NXPE2: variants seen among roughly 807,000 people sequenced by gnomAD.
NXPE2 encodes neurexophilin and PC-esterase domain family member 2.
NXPE2 carries 34 observed loss-of-function variants against 34.4 expected under a neutral mutation model. The ratio of observed to expected loss-of-function variants is 0.99; its 90% confidence interval spans 0.75 to 1.31. The LOEUF (loss-of-function observed/expected upper bound fraction) is 1.31, where lower values mean the gene tolerates loss of function less well. Ranked by LOEUF, NXPE2 falls within the 40% of genes most tolerant of loss-of-function variation. The pLI, the probability that NXPE2 is intolerant of heterozygous loss-of-function variation, is 0.00. For synonymous variants in NXPE2, 235 were observed against 231.3 expected (o/e 1.02, Z -0.15); for missense variants, 649 against 672.5 (o/e 0.97, Z 0.39).
At chr11:114,624,494 C>T in the NXPE2 span, among the ~76,000 whole-genome samples, 1 of 152,108 alleles carries the variant, frequency 6.6e-6, no homozygotes, top group Non-Finnish European at 1.5e-5. Flanking sequence ...CATGGGTAAG[C>T]CCTGTTGCCC....
At chr11:114,486,764 A>G in the NXPE2 span, among the ~76,000 whole-genome samples, 1 of 152,126 alleles carries the variant, frequency 6.6e-6, no homozygotes, top group African/African-American at 2.4e-5. Context: ...TCCTTTCCCC[A>G]ATGTATATTC....
At chr11:114,519,968 T>TCGCCTCCC in the NXPE2 span, among the ~76,000 whole-genome samples, 1 of 117,232 alleles carries the variant, frequency 8.5e-6, no homozygotes, top group African/African-American at 4.5e-5. Flanking sequence ...CTCGGCGAGC[T>TCGCCTCCC]TGCCCGCTAA....
the NXPE2 span, among the ~76,000 whole-genome samples, chr11:114,549,494 A>G: frequency 2.4e-3 from 371 of 152,196 alleles, 2 homozygotes; most frequent in South Asian, 0.013. Flanking sequence ...GAGGAATTAC[A>G]TGATTATCTT....
At chr11:114,802,585 G>C in the NXPE2 span, among the ~76,000 whole-genome samples, 1 of 152,166 alleles carries the variant, frequency 6.6e-6, no homozygotes, top group Non-Finnish European at 1.5e-5. Context: ...ACTTGCAGTT[G>C]CTGATGGAAT....
At chr11:114,508,064 T>A in the NXPE2 span, among the ~76,000 whole-genome samples, 1 of 152,114 alleles carries the variant, frequency 6.6e-6, no homozygotes, top group African/African-American at 2.4e-5. Context: ...ACAAAATCAA[T>A]GTGCAAAAAA....
chr11:114,663,124 G>C, the NXPE2 span, among the ~76,000 whole-genome samples: 17 of 152,266 alleles, frequency 1.1e-4, no homozygotes, highest in Admixed American at 2.6e-4. Flanking sequence ...TGACTGAAGA[G>C]CCCTTGGGCC....
At chr11:114,657,444 T>G in the NXPE2 span, among the ~76,000 whole-genome samples, 1 of 152,206 alleles carries the variant, frequency 6.6e-6, no homozygotes, top group Non-Finnish European at 1.5e-5. Flanking sequence ...ATATCCAAGA[T>G]TTTTAACAAT....
At chr11:114,789,620 G>C in the NXPE2 span, among the ~76,000 whole-genome samples, 1 of 152,146 alleles carries the variant, frequency 6.6e-6, no homozygotes, top group African/African-American at 2.4e-5. Flanking sequence ...TGCTGAGATG[G>C]GTGGTACAAT....
chr11:114,515,509 G>A, the NXPE2 span, among the ~76,000 whole-genome samples: 1 of 152,188 alleles, frequency 6.6e-6, no homozygotes, highest in Non-Finnish European at 1.5e-5. Context: ...ATTTGAGGGT[G>A]TAGCAGAGAA....
the NXPE2 span, among the ~76,000 whole-genome samples, chr11:114,545,749 C>T: frequency 2.1e-4 from 32 of 149,094 alleles, no homozygotes; most frequent in Admixed American, 1.6e-3. Context: ...AGTGCAGTGG[C>T]GTGAACTCAG....
At chr11:114,764,093 A>T in the NXPE2 span, among the ~76,000 whole-genome samples, 17 of 152,220 alleles carry the variant, frequency 1.1e-4, no homozygotes, top group East Asian at 3.3e-3. Context: ...CTCATGGTGC[A>T]AATATAGCTC....
chr11:114,698,314 G>A lies in NXPE2; in HGVS notation c.402G>A (p.Glu134=). ...GGGATCAGCTGGACATCCTTCTGGAGGTGAGGGACCACTTGGGACACAGGA... is the reference window on the plus strand; with the variant it reads ...GGGATCAGCTGGACATCCTTCTGGAAGTGAGGGACCACTTGGGACACAGGA... ...CRGDQLDILL[E]VRDHLGHRKQ... The change falls in exon 3 of 6, where the codon GAG becomes GAA. Residue 134 remains glutamate, a synonymous_variant. Transcript: ENST00000389586. 3 of 1,614,042 alleles carry A rather than the reference G, an allele frequency of 1.9e-6. No individual in the cohort carries two copies. Among genetic ancestry groups the A allele is most frequent in the Non-Finnish European group, 2.5e-6 (3 of 1,179,958 alleles).
chr11:114,731,073 A>G, the NXPE2 span, among the ~76,000 whole-genome samples: 2 of 152,240 alleles, frequency 1.3e-5, no homozygotes, highest in Non-Finnish European at 2.9e-5. Flanking sequence ...TGTTTCTTCA[A>G]TTCCTAGTTT....
chr11:114,586,783 C>T, the NXPE2 span, among the ~76,000 whole-genome samples: 4 of 152,168 alleles, frequency 2.6e-5, no homozygotes, highest in Non-Finnish European at 5.9e-5. Flanking sequence ...TTTCTCCTTT[C>T]CTATCCGCAA....
chr11:114,523,036 A>T, the NXPE2 span: 5 of 1,613,824 alleles, frequency 3.1e-6, no homozygotes, highest in Non-Finnish European at 4.2e-6. Context: ...AAGTATAACC[A>T]CCAGGGACAG....
At chr11:114,513,208 C>A in the NXPE2 span, 1 of 540,984 alleles carries the variant, frequency 1.8e-6, no homozygotes, top group Non-Finnish European at 3.7e-6. Flanking sequence ...GGATGTCCAG[C>A]TGGTGCCTCC....
the NXPE2 span, among the ~76,000 whole-genome samples, chr11:114,494,056 G>A: frequency 6.6e-6 from 1 of 152,242 alleles, no homozygotes; most frequent in Non-Finnish European, 1.5e-5. Flanking sequence ...CCACTGAGAA[G>A]TCTGCTGCCA....
chr11:114,608,971 G>T, the NXPE2 span, among the ~76,000 whole-genome samples: 1 of 151,892 alleles, frequency 6.6e-6, no homozygotes, highest in African/African-American at 2.4e-5. Flanking sequence ...AATAAGTGTT[G>T]CCTCGTGGGT....
At chr11:114,799,963 C>T in the NXPE2 span, among the ~76,000 whole-genome samples, 2 of 125,988 alleles carry the variant, frequency 1.6e-5, no homozygotes, top group African/African-American at 2.7e-5. Flanking sequence ...CCTTCTTCCT[C>T]TGTCTCCCTC....
Sources: gnomAD v4.1 joint callset for allele counts (sites outside exome capture counted in the v4.1 genomes callset) on GRCh38, gnomAD v4.1.1 for gene constraint, MANE v1.5 for transcripts, NCBI Gene and HGNC (gene_info 2026-07-23, HGNC 2026-07-21) for gene names.